DMD: variants seen among roughly 807,000 people sequenced by gnomAD.
DMD encodes dystrophin.
DMD carries 63 observed loss-of-function variants against 330.1 expected under a neutral mutation model. The ratio of observed to expected loss-of-function variants is 0.19; its 90% CI spans 0.16 to 0.24. The LOEUF (loss-of-function observed/expected upper bound fraction) is 0.24, where lower values mean the gene tolerates loss of function less well. Among genes scored for constraint, DMD ranks in the 10% least tolerant of loss-of-function variants. The pLI is 1.00. For missense variants in DMD, 3,344 were observed against 2,684.1 expected (o/e 1.25, Z -5.43); for synonymous variants, 1,223 against 959.8 (o/e 1.27, Z -5.07).
rs2097206221 is a variant in DMD, at chrX:32,240,957, C to T, written c.6291-23894G>A. Among the ~76,000 whole-genome samples the T allele has an allele frequency of 2.7e-5, 3 of 111,641 alleles. No individual in the cohort carries two copies. The South Asian group carries it at 1.1e-3, about 42-fold the overall frequency. On this transcript the variant is annotated intron_variant, in intron 43 of 78. Transcript: ENST00000357033. ...ATATATGGCCTTCTAAAACACCTAG[C>T]GTCTTCAATCCACAAGTTTTTCTGG...
Position 32,554,873 on chromosome X carries a change from G to A in DMD, c.1993-9539C>T, listed in dbSNP as rs868526551. Among the ~76,000 whole-genome samples, 296 of 31,139 alleles carry A rather than the reference G, an allele frequency of 9.5e-3. 27 individuals are homozygous for A. The highest frequency in any genetic ancestry group is 0.072 in the Admixed American group (199 of 2,782). 27.0% of individuals were successfully genotyped at this position (31,139 alleles called of 115,157 possible). A position where few individuals can be genotyped will look rare whatever the true frequency, so the allele number is the denominator to read the frequency against. On this transcript the variant is annotated intron_variant, in intron 16 of 78. Transcript: ENST00000357033. Reference sequence around the variant, plus strand: ...GAGAGAGAGAGAGAGAGAGAGAGAAGGAAAGAAGAAAGAAAGAAAGAAAGA... The same window carrying A: ...GAGAGAGAGAGAGAGAGAGAGAGAAAGAAAGAAGAAAGAAAGAAAGAAAGA...
Position 32,441,309 on chromosome X carries a change from A to G in DMD, c.3792T>C (p.Val1264=), listed in dbSNP as rs2148222947. 1 of 1,205,995 alleles carries G rather than the reference A, an allele frequency of 8.3e-7. No individual in the cohort carries two copies. Among genetic ancestry groups the G allele is most frequent in the Non-Finnish European group, 1.1e-6 (1 of 890,800 alleles). The stretch of plus-strand genomic sequence containing the variant: ...ACAATAACTCATGCCAACATGCCCA[A>G]ACTTCCTAAGAAAGAAATATATATC... ...LNGKCKTLEE[V]WACWHELLSY... The change falls in exon 28 of 79, where the codon GTT becomes GTC. Residue 1264 remains valine, a synonymous_variant. Coordinates refer to ENST00000357033, the MANE Select transcript of DMD (RefSeq NM_004006.3).
intron 1 of DMD, among the ~76,000 whole-genome samples, chrX:33,067,043 A>G (rs145990261): frequency 3.6e-4 from 40 of 112,290 alleles, no homozygotes; most frequent in Non-Finnish European, 5.8e-4. Flanking sequence ...TCATCCTTCA[A>G]TCACTTCAGT....
chrX:33,212,593 A>G (rs1233731528), upstream of DMD, among the ~76,000 whole-genome samples: 1 of 111,680 alleles, frequency 9.0e-6, no homozygotes, highest in Admixed American at 9.6e-5. Flanking sequence ...CAAACATTCA[A>G]CTGCTTGCGA....
intron 1 of DMD, among the ~76,000 whole-genome samples, chrX:33,188,831 G>C (rs1246437195): frequency 3.6e-5 from 4 of 111,177 alleles, no homozygotes; most frequent in Non-Finnish European, 7.5e-5. Context: ...AATCCAATCT[G>C]ATTAGTATCC....
rs199974153 is a variant in DMD, at chrX:31,147,411, C to T, written c.10661G>A (p.Arg3554Gln). Residue 3554 changes from arginine (R) to glutamine (Q), a missense_variant, in exon 75 of 79, where the codon CGG (arginine) becomes CAG (glutamine). Coordinates refer to ENST00000357033, the MANE Select transcript of DMD (RefSeq NM_004006.3). ...GGCCTCAGCAATGAGCTCAGCATCCCGGGGACTCTGGGGAGAGGTGGGCAT... is the reference window on the plus strand; with the variant it reads ...GGCCTCAGCAATGAGCTCAGCATCCTGGGGACTCTGGGGAGAGGTGGGCAT... The part of the protein sequence containing the change: ...EMMPTSPQSP[R>Q]DAELIAEAKL... The T allele has an allele frequency of 3.6e-5, 44 of 1,206,590 alleles. No individual in the cohort carries two copies. Among genetic ancestry groups the T allele is most frequent in the Middle Eastern group, 2.3e-4 (1 of 4,362 alleles).
intron 61 of DMD, chrX:31,348,095 AT>A (rs1166687847): frequency 1.4e-5 from 2 of 139,596 alleles, no homozygotes; most frequent in African/African-American, 6.4e-5. Context: ...TCACAGTAAC[AT>A]ATATTGGATG....
chrX:32,566,692 G>C (rs1416612453), intron 15 of DMD, among the ~76,000 whole-genome samples: 1 of 111,565 alleles, frequency 9.0e-6, no homozygotes, highest in East Asian at 2.8e-4. Context: ...AACTCCCTTT[G>C]GTTGATTTGA....
chrX:32,055,516 C>T (rs1187765535), intron 44 of DMD, among the ~76,000 whole-genome samples: 1 of 111,036 alleles, frequency 9.0e-6, no homozygotes, highest in Non-Finnish European at 1.9e-5. Flanking sequence ...AGAAGGAGAA[C>T]GTTGAATGTT....
At chrX:32,531,399 G>T (rs1040315857) in intron 17 of DMD, among the ~76,000 whole-genome samples, 1 of 111,310 alleles carries the variant, frequency 9.0e-6, no homozygotes, top group African/African-American at 3.3e-5. Flanking sequence ...TAAATATGTG[G>T]ACACTCGTAC....
At chrX:32,954,709 C>G (rs373386175) in intron 2 of DMD, among the ~76,000 whole-genome samples, 1 of 110,694 alleles carries the variant, frequency 9.0e-6, no homozygotes, top group Admixed American at 9.7e-5. Context: ...CACCCTCCAA[C>G]AGGTCCCAAT....
chrX:31,665,513 C>G (rs1040716592), intron 53 of DMD, among the ~76,000 whole-genome samples: 2 of 111,530 alleles, frequency 1.8e-5, no homozygotes, highest in Admixed American at 1.9e-4. Flanking sequence ...AAGCCTCTCA[C>G]CATTAACTTC....
Position 33,146,847 on chromosome X carries a change from G to T in DMD, c.31+64435C>A, listed in dbSNP as rs187878708. 1.6e-3 allele frequency among the ~76,000 whole-genome samples: 181 copies of T among 109,826 alleles called. 2 individuals carry two copies. The highest frequency in any genetic ancestry group is 0.013 in the Admixed American group (137 of 10,282). On this transcript the variant is annotated intron_variant, in intron 1 of 78. Coordinates refer to ENST00000357033, the MANE Select transcript of DMD (RefSeq NM_004006.3). ...AATCTTTTTTTTTTCTTTTTGAGAC[G>T]AGTCTTGCTCTGTCACCCAGGCTGC...
chrX:32,808,784 G>C (rs2077135154), intron 7 of DMD, among the ~76,000 whole-genome samples: 1 of 111,832 alleles, frequency 8.9e-6, no homozygotes. Context: ...TGAGAATTGA[G>C]AACAGAGGCT....
At chrX:32,595,730 T>G (rs774536339) in intron 13 of DMD, 27 bp downstream of exon 13, 45 of 1,202,479 alleles carry the variant, frequency 3.7e-5, no homozygotes, top group Non-Finnish European at 5.0e-5. Flanking sequence ...AAGGACATAT[T>G]TAGTTTACTA....
At position 32,088,500 on chromosome X, in the gene DMD, TA is replaced by T. The variant is rs35808590; in HGVS notation, c.6439-119987del. On this transcript the variant is annotated intron_variant, in intron 44 of 78. Coordinates refer to ENST00000357033, the MANE Select transcript of DMD (RefSeq NM_004006.3). ...AGAGGCTGTTCTATGAAGCGATGAC[TA>T]AAAAAAAAAAAAAAAGTACAAATAT... 7.6e-3 allele frequency among the ~76,000 whole-genome samples: 663 copies of T among 87,224 alleles called. 4 individuals are homozygous for T. The highest frequency in any genetic ancestry group is 0.024 in the East Asian group (68 of 2,881). 75.7% of individuals were successfully genotyped at this position (87,224 alleles called of 115,157 possible).
At chrX:33,064,859 A>T (rs184506847) in intron 1 of DMD, among the ~76,000 whole-genome samples, 1 of 111,355 alleles carries the variant, frequency 9.0e-6, no homozygotes, top group East Asian at 2.8e-4. Context: ...ACTGCACTTC[A>T]GCCTCGGGGT....
chrX:32,509,172 C>T (rs1309084157), intron 18 of DMD, among the ~76,000 whole-genome samples: 1 of 86,948 alleles, frequency 1.2e-5, no homozygotes, highest in Non-Finnish European at 2.2e-5. Flanking sequence ...GTCCAAATAA[C>T]CACATATAAA....
intron 41 of DMD, among the ~76,000 whole-genome samples, chrX:32,341,836 A>C (rs752927166): frequency 2.4e-4 from 27 of 111,563 alleles, no homozygotes; most frequent in Admixed American, 9.5e-5. Context: ...ATGAAAAATG[A>C]TGTAGCAAAA....
Sources: gnomAD v4.1 joint callset for allele counts (sites outside exome capture counted in the v4.1 genomes callset) on GRCh38, gnomAD v4.1.1 for gene constraint, MANE v1.5 for transcripts, NCBI Gene and HGNC (gene_info 2026-07-23, HGNC 2026-07-21) for gene names.